ESR2: variants seen among roughly 807,000 people sequenced by gnomAD.
ESR2 encodes estrogen receptor 2.
A neutral mutation model predicts 49.6 loss-of-function variants in ESR2; 36 were observed. The observed-to-expected ratio is 0.73, with a 90% confidence interval of 0.56 to 0.96. The LOEUF (loss-of-function observed/expected upper bound fraction) is 0.96. Among genes scored for constraint, ESR2 ranks in the 40% least tolerant of loss-of-function variants. The probability of loss-of-function intolerance (pLI) is 0.00; values close to 1 mark genes in which losing one functional copy is unlikely to be tolerated. For missense variants in ESR2, 714 were observed against 693.0 expected, an observed-to-expected ratio of 1.03 and a Z score of -0.34; for synonymous variants, 320 against 266.1, an observed-to-expected ratio of 1.20 and a Z score of -1.97.
chr14:64,235,523 C>T (rs1480827364), intron 7 of ESR2, among the ~76,000 whole-genome samples: 1 of 152,232 alleles, frequency 6.6e-6, no homozygotes, highest in Non-Finnish European at 1.5e-5. Context: ...TACTTTTAGC[C>T]CCACGGAGGG....
At chr14:64,272,608 T>C (rs1277741593) in intron 3 of ESR2, among the ~76,000 whole-genome samples, 1 of 152,206 alleles carries the variant, frequency 6.6e-6, no homozygotes, top group Non-Finnish European at 1.5e-5. Flanking sequence ...TTTATTCTTC[T>C]GTACATGGAT....
intron 7 of ESR2, among the ~76,000 whole-genome samples, chr14:64,236,597 G>A (rs990232400): frequency 1.3e-4 from 20 of 151,964 alleles, no homozygotes; most frequent in Admixed American, 1.2e-3. Flanking sequence ...ACCACACCTC[G>A]CCTTGAGTCC....
At chr14:64,242,423 AAAAC>A (rs2075748827) in intron 7 of ESR2, among the ~76,000 whole-genome samples, 1 of 120,892 alleles carries the variant, frequency 8.3e-6, no homozygotes, top group Non-Finnish European at 1.6e-5. Flanking sequence ...AAAAACAAAA[AAAAC>A]AAAACAAACA....
intron 1 of ESR2, among the ~76,000 whole-genome samples, chr14:64,304,172 T>C (rs1200017165): frequency 6.6e-6 from 1 of 152,212 alleles, no homozygotes; most frequent in Non-Finnish European, 1.5e-5. Flanking sequence ...CTGGGCACAG[T>C]GGTGCATGCC....
At chr14:64,336,629 A>C (rs938619559) in intron 1 of ESR2, 1 of 152,100 alleles carries the variant, frequency 6.6e-6, no homozygotes. Flanking sequence ...TGTCCTAGGC[A>C]TCGGTATTTG....
At chr14:64,297,246 G>A (rs1177612642), upstream of ESR2, among the ~76,000 whole-genome samples, 1 of 152,222 alleles carries the variant, frequency 6.6e-6, no homozygotes, top group African/African-American at 2.4e-5. Context: ...TGTTATATAT[G>A]ATGGGTAATA....
intron 1 of ESR2, among the ~76,000 whole-genome samples, chr14:64,327,935 A>G (rs1362801724): frequency 6.6e-6 from 1 of 151,818 alleles, no homozygotes; most frequent in Non-Finnish European, 1.5e-5. Context: ...GGCCGGGCAC[A>G]GTGGCTCAAG....
rs74056585 is a variant in ESR2, at chr14:64,335,654, C to A, written c.-91+2244G>T. The stretch of plus-strand genomic sequence containing the variant: ...ACCACATTCAGGGTAAGGGCTTCAA[C>A]ATATGAAAGTTCAGGGGACACAATT... On this transcript the variant is annotated intron_variant, in intron 1 of 8. Coordinates refer to the ESR2 transcript ENST00000358599. Among the ~76,000 whole-genome samples the A allele has an allele frequency of 5.3e-3, 802 of 152,284 alleles. 5 individuals carry two copies. Among genetic ancestry groups the A allele is most frequent in the African/African-American group, 0.018 (739 of 41,540 alleles).
chr14:64,249,678 C>T lies in ESR2; in HGVS notation c.1093G>A (p.Asp365Asn). Residue 365 changes from aspartate to asparagine, a missense_variant and splice_region_variant, in exon 7 of 9, where the codon GAT (aspartate) becomes AAT (asparagine). Physicochemically the swap from Asp to Asn is conservative, Grantham distance 23. Transcript: ENST00000341099. The part of the protein sequence containing the change: ...IFAPDLVLDR[D>N]EGKCVEGILE... Reference sequence around the variant, plus strand: ...ATTCCTTCTACGCATTTCCCCTCATCCCTACAAAAGTTCGTTTGGAAATTT... The same window carrying T: ...ATTCCTTCTACGCATTTCCCCTCATTCCTACAAAAGTTCGTTTGGAAATTT... 6.2e-7 allele frequency: 1 copy of T among 1,609,642 alleles called. No homozygotes were observed. The highest frequency in any genetic ancestry group is 8.5e-7 in the Non-Finnish European group (1 of 1,177,612).
intron 1 of ESR2, among the ~76,000 whole-genome samples, chr14:64,291,157 G>A (rs1410517894): frequency 6.6e-6 from 1 of 152,190 alleles, no homozygotes; most frequent in African/African-American, 2.4e-5. Flanking sequence ...AGCCAATCCA[G>A]AAGTTAGGCT....
At chr14:64,272,691 G>T (rs1011006043) in intron 3 of ESR2, among the ~76,000 whole-genome samples, 2 of 152,056 alleles carry the variant, frequency 1.3e-5, no homozygotes, top group African/African-American at 4.8e-5. Context: ...GTATGGATTT[G>T]TTTCTGGGTT....
At chr14:64,313,530 C>CAG (rs550188495) in intron 1 of ESR2, among the ~76,000 whole-genome samples, 1 of 107,468 alleles carries the variant, frequency 9.3e-6, no homozygotes, top group African/African-American at 3.5e-5. Flanking sequence ...GAGGCTCTGT[C>CAG]AAAAAAAAAA....
chr14:64,290,588 G>A (rs1445024112), intron 1 of ESR2, among the ~76,000 whole-genome samples: 1 of 151,682 alleles, frequency 6.6e-6, no homozygotes, highest in Non-Finnish European at 1.5e-5. Context: ...ATTCTTAACA[G>A]AGACAAGGTT....
chr14:64,233,131 C>G lies in ESR2; in HGVS notation c.*6G>C. 6.2e-7 allele frequency: 1 copy of G among 1,612,014 alleles called. No individual in the cohort carries two copies. Among genetic ancestry groups the G allele is most frequent in the Non-Finnish European group, 8.5e-7 (1 of 1,178,482 alleles). On this transcript the variant is annotated 3_prime_UTR_variant, in exon 9 of 9. Transcript: ENST00000341099. ...TCTGTGGGCCAGTTCACCTCAGGGC[C>G]AGGCGTCACTGAGACTGTGGGTTCT...
At position 64,235,137 on chromosome 14, in the gene ESR2, C is replaced by T; in HGVS notation, c.1239G>A (p.Leu413=). Residue 413 remains leucine, a synonymous_variant, in exon 8 of 9, where the codon CTG becomes CTA. Coordinates refer to ENST00000341099, the MANE Select transcript of ESR2 (RefSeq NM_001437.3). ...TGTCAGCATCCTGGGTCGCTGTGAC[C>T]AGAGGGTACATACCTGGACAAAGAA... is the stretch of plus-strand genomic sequence containing the variant. ...MILLNSSMYP[L]VTATQDADSS... is the part of the protein sequence containing the mutation. 1.9e-6 allele frequency: 3 copies of T among 1,613,648 alleles called. No homozygotes were observed. Among genetic ancestry groups the T allele is most frequent in the Admixed American group, 1.7e-5 (1 of 60,028 alleles).
intron 7 of ESR2, among the ~76,000 whole-genome samples, chr14:64,240,711 G>GT (rs1345756184): frequency 2.6e-5 from 4 of 152,096 alleles, no homozygotes; most frequent in African/African-American, 7.2e-5. Flanking sequence ...CAACCATTGT[G>GT]TTTTTTCGTT....
In ESR2 at chr14:64,284,889, A is replaced by G. The variant is rs375870570; in HGVS notation, c.-90-1814T>C. Among the ~76,000 whole-genome samples the G allele has an allele frequency of 6.4e-3, 912 of 141,480 alleles. 8 individuals carry two copies. The highest frequency in any genetic ancestry group is 0.023 in the African/African-American group (837 of 37,186). 92.8% of individuals were successfully genotyped at this position (141,480 alleles called of 152,430 possible). A position where few individuals can be genotyped will look rare whatever the true frequency, so the allele number is the denominator to read the frequency against. On this transcript the variant is annotated intron_variant, in intron 1 of 8. Transcript: ENST00000341099. ...TTTTGAGACGGAGTCTCGCACTGTC[A>G]CCCAGGCTGGAGTGCAGTGGCGCAA...
intron 1 of ESR2, chr14:64,337,329 T>C (rs1423681598): frequency 6.6e-6 from 1 of 152,242 alleles, no homozygotes; most frequent in African/African-American, 2.4e-5. Flanking sequence ...TTCCTCAGCA[T>C]AAAAACCAGT....
chr14:64,276,631 A>G (rs2076563367), intron 3 of ESR2, among the ~76,000 whole-genome samples: 1 of 152,148 alleles, frequency 6.6e-6, no homozygotes, highest in Non-Finnish European at 1.5e-5. Flanking sequence ...AGAGAAACTT[A>G]TTTTTTTCAA....
Sources: allele counts gnomAD v4.1 joint callset (sites outside exome capture counted in the v4.1 genomes callset), GRCh38; gene constraint gnomAD v4.1.1; transcripts MANE v1.5; gene names NCBI Gene and HGNC (gene_info 2026-07-23, HGNC 2026-07-21).